The following ANKRD44 variants were observed in gnomAD, a reference collection of about 807,000 sequenced individuals.
ANKRD44 encodes the protein serine/threonine-protein phosphatase 6 regulatory ankyrin repeat subunit B.
In ANKRD44, 35 loss-of-function variants were observed where a neutral mutation model predicts 116.0. The ratio of observed to expected loss-of-function variants is 0.30; its 90% confidence interval spans 0.23 to 0.40. The LOEUF is 0.40. Among genes scored for constraint, ANKRD44 ranks in the 10% least tolerant of loss-of-function variants. The pLI is 1.00. For missense variants in ANKRD44, 1,014 were observed against 1,242.6 expected, an observed-to-expected ratio of 0.82 and a Z score of 2.77; for synonymous variants, 435 against 461.8, an observed-to-expected ratio of 0.94 and a Z score of 0.74.
chr2:197,072,258 A>G (rs867051087), intron 16 of ANKRD44, among the ~76,000 whole-genome samples: 6 of 152,188 alleles, frequency 3.9e-5, no homozygotes, highest in Non-Finnish European at 7.3e-5. Flanking sequence ...ATCAGAAGCA[A>G]TAATTCCTAT....
intron 1 of ANKRD44, among the ~76,000 whole-genome samples, chr2:197,230,857 A>G (rs542089559): frequency 6.6e-6 from 1 of 152,276 alleles, no homozygotes; most frequent in Non-Finnish European, 1.5e-5. Flanking sequence ...AAACCAGCAG[A>G]GGCAGAGGAA....
chr2:197,059,130 G>A (rs1194110603), intron 16 of ANKRD44, among the ~76,000 whole-genome samples: 1 of 152,116 alleles, frequency 6.6e-6, no homozygotes, highest in Non-Finnish European at 1.5e-5. Context: ...CCTAGGGCCA[G>A]AGAGAGTAGA....
chr2:197,048,033 C>A (rs537841199), intron 16 of ANKRD44, among the ~76,000 whole-genome samples: 3 of 152,216 alleles, frequency 2.0e-5, no homozygotes, highest in African/African-American at 7.2e-5. Context: ...TCTACAATTT[C>A]TTTGTTGAAA....
intron 4 of ANKRD44, among the ~76,000 whole-genome samples, chr2:197,127,463 G>C (rs1196235674): frequency 1.3e-5 from 2 of 152,216 alleles, no homozygotes; most frequent in East Asian, 3.9e-4. Context: ...TTACAAGGGA[G>C]TAATTTGATG....
At chr2:197,239,355 C>T (rs578085043) in intron 1 of ANKRD44, among the ~76,000 whole-genome samples, 7 of 152,282 alleles carry the variant, frequency 4.6e-5, no homozygotes, top group Non-Finnish European at 8.8e-5. Context: ...CCTCAGCCTT[C>T]CAAGTAGCTG....
intron 18 of ANKRD44, among the ~76,000 whole-genome samples, chr2:197,009,922 C>G (rs905335521): frequency 2.6e-5 from 4 of 152,128 alleles, no homozygotes; most frequent in African/African-American, 7.2e-5. Flanking sequence ...AGTCAGCTCC[C>G]CTTTTTGTTC....
intron 17 of ANKRD44, among the ~76,000 whole-genome samples, chr2:197,016,874 C>A (rs1044270690): frequency 6.6e-6 from 1 of 151,966 alleles, no homozygotes; most frequent in East Asian, 1.9e-4. Context: ...AGGCTCAGCA[C>A]AGACAAAAGA....
chr2:197,290,760 A>G (rs1004861597), intron 1 of ANKRD44, among the ~76,000 whole-genome samples: 3 of 152,330 alleles, frequency 2.0e-5, no homozygotes, highest in African/African-American at 7.2e-5. Flanking sequence ...TCACATTTCT[A>G]TTACAAAGCA....
chr2:197,018,047 C>A (rs182577986), intron 17 of ANKRD44, among the ~76,000 whole-genome samples: 1 of 152,308 alleles, frequency 6.6e-6, no homozygotes, highest in Admixed American at 6.5e-5. Flanking sequence ...CAGGGCTCAT[C>A]ATTTCTATTC....
intron 17 of ANKRD44, among the ~76,000 whole-genome samples, chr2:197,021,988 T>A (rs909265980): frequency 2.0e-5 from 3 of 152,230 alleles, no homozygotes; most frequent in African/African-American, 7.2e-5. Context: ...TTCAAGAGGA[T>A]GAAATGCTTA....
chr2:197,076,011 C>T (rs936670577), intron 16 of ANKRD44, among the ~76,000 whole-genome samples: 7 of 152,196 alleles, frequency 4.6e-5, no homozygotes, highest in Middle Eastern at 3.2e-3. Context: ...CCTACTCCAG[C>T]GCCCAGAGGA....
At position 196,998,980 on chromosome 2, in the gene ANKRD44, T is replaced by C. The variant is rs756162515; in HGVS notation, c.2592A>G (p.Pro864=). Residue 864 remains proline, a synonymous_variant, in exon 24 of 28, where the codon CCA becomes CCG. Coordinates refer to ENST00000282272, the MANE Select transcript of ANKRD44 (RefSeq NM_001195144.2). ...CLQLLLRHSA[P]VNAVDNSGKT... is the part of the protein sequence containing the mutation. ...TCCCTGAATTATCTACTGCGTTCAC[T>C]GGAGCACTGTGTCTCAGAAGAAGCT... 6.8e-6 allele frequency: 11 copies of C among 1,614,244 alleles called. No individual in the cohort carries two copies. In the Middle Eastern group the frequency reaches 8.3e-4, roughly 121 times the overall value.
intron 16 of ANKRD44, among the ~76,000 whole-genome samples, chr2:197,053,674 G>C (rs1355932934): frequency 2.0e-5 from 3 of 152,092 alleles, no homozygotes; most frequent in African/African-American, 7.2e-5. Context: ...GTAGAAACAG[G>C]GTTTCACCAT....
At chr2:197,101,748 A>T (rs974587544) in intron 9 of ANKRD44, among the ~76,000 whole-genome samples, 1 of 152,220 alleles carries the variant, frequency 6.6e-6, no homozygotes, top group African/African-American at 2.4e-5. Flanking sequence ...TGATTTCCCA[A>T]CAGACTTTTT....
intron 1 of ANKRD44, among the ~76,000 whole-genome samples, chr2:197,310,164 C>G (rs1174923045): frequency 1.3e-5 from 2 of 152,140 alleles, no homozygotes; most frequent in Non-Finnish European, 2.9e-5. Context: ...GGGGAGGGGT[C>G]CCAGTCTGCG....
chr2:197,111,941 T>C (rs2078578268), intron 8 of ANKRD44, among the ~76,000 whole-genome samples: 1 of 152,168 alleles, frequency 6.6e-6, no homozygotes, highest in Non-Finnish European at 1.5e-5. Flanking sequence ...TATTTGTTAC[T>C]ATTCATGATC....
rs6718408 is a variant in ANKRD44 at position 197,048,674 on chromosome 2, G to A, written c.1651-23407C>T. On this transcript the variant is annotated intron_variant, in intron 16 of 27. Transcript: ENST00000282272. ...TACACGTGCATGTGTCTTTATGACAGCATGATTTATAATCCTTTGGCTATA... is the reference window on the plus strand; with the variant it reads ...TACACGTGCATGTGTCTTTATGACAACATGATTTATAATCCTTTGGCTATA... 7.8e-3 allele frequency among the ~76,000 whole-genome samples: 1,193 copies of A among 152,306 alleles called. 14 individuals are homozygous for A. Among genetic ancestry groups the A allele is most frequent in the African/African-American group, 0.025 (1,025 of 41,546 alleles).
intron 16 of ANKRD44, among the ~76,000 whole-genome samples, chr2:197,073,082 T>C (rs963477603): frequency 3.3e-5 from 5 of 152,158 alleles, no homozygotes; most frequent in Admixed American, 3.3e-4. Context: ...ACTTCTCTGT[T>C]CCCCAACCTA....
intron 2 of ANKRD44, among the ~76,000 whole-genome samples, chr2:197,149,019 T>G (rs2079574068): frequency 1.3e-5 from 2 of 152,216 alleles, no homozygotes; most frequent in African/African-American, 4.8e-5. Flanking sequence ...TGAGAACAGA[T>G]TTTCACAAAT....
Sources: allele counts gnomAD v4.1 joint callset (sites outside exome capture counted in the v4.1 genomes callset), GRCh38; gene constraint gnomAD v4.1.1; transcripts MANE v1.5; gene names NCBI Gene and HGNC (gene_info 2026-07-23, HGNC 2026-07-21).